Variants in ERICH3 observed in about 807,000 individuals in gnomAD.
The protein encoded by ERICH3 is glutamate rich 3.
In ERICH3, 126 loss-of-function variants were observed where a neutral mutation model predicts 131.1. The ratio of observed to expected loss-of-function variants is 0.96; its 90% CI spans 0.83 to 1.11. ERICH3 has a LOEUF of 1.11. ERICH3 is among the 50% of genes most tolerant of loss of function. The pLI, the probability that ERICH3 is intolerant of heterozygous loss-of-function variation, is 0.00. For synonymous variants in ERICH3, 695 were observed against 644.6 expected (o/e 1.08, Z -1.18); for missense variants, 2,050 against 1,810.7 (o/e 1.13, Z -2.40).
At chr1:74,629,434 C>T (rs2100621012) in intron 7 of ERICH3, among the ~76,000 whole-genome samples, 1 of 152,060 alleles carries the variant, frequency 6.6e-6, no homozygotes, top group East Asian at 1.9e-4. Context: ...AGGAGACAGA[C>T]ATGATAAGGT....
chr1:74,587,336 A>T (rs1489627417), intron 12 of ERICH3, among the ~76,000 whole-genome samples: 1 of 151,488 alleles, frequency 6.6e-6, no homozygotes, highest in East Asian at 1.9e-4. Flanking sequence ...AAAAAAAAAA[A>T]AAAAAAAAAA....
chr1:74,590,538 T>C (rs1279821532), intron 11 of ERICH3, among the ~76,000 whole-genome samples: 8 of 152,318 alleles, frequency 5.3e-5, no homozygotes, highest in Admixed American at 4.6e-4. Context: ...CCCTGGCATG[T>C]GCAGCTCACA....
chr1:74,614,884 G>A (rs532747414), intron 8 of ERICH3, among the ~76,000 whole-genome samples: 1 of 152,264 alleles, frequency 6.6e-6, no homozygotes, highest in East Asian at 1.9e-4. Context: ...CTCCTCAGGT[G>A]GTGAAAGCAA....
chr1:74,672,321 T>C (rs1295226642), intron 1 of ERICH3, among the ~76,000 whole-genome samples: 2 of 152,206 alleles, frequency 1.3e-5, no homozygotes, highest in African/African-American at 4.8e-5. Flanking sequence ...ATCAAAATGT[T>C]AAAAAGTACC....
rs1208886459 is a variant in ERICH3 at position 74,631,568 on chromosome 1, C to G, written c.819+145G>C. 21 of 662,014 alleles carry G rather than the reference C, an allele frequency of 3.2e-5. No individual in the cohort carries two copies. In the East Asian group the frequency reaches 5.5e-4, roughly 17 times the overall value. The allele number at this position is 662,014 out of a possible 1,614,324, so 41.0% of individuals were successfully genotyped here. A position where few individuals can be genotyped will look rare whatever the true frequency, so the allele number is the denominator to read the frequency against. ...TCAAGCCTGTGGTTTCAGATACATT[C>G]AAGCTTACTTATAAAATTGTATTTC... On this transcript the variant is annotated intron_variant, in intron 7 of 14. Coordinates refer to ENST00000326665, the MANE Select transcript of ERICH3 (RefSeq NM_001002912.5).
chr1:74,586,196 A>C (rs1411026051), intron 12 of ERICH3, among the ~76,000 whole-genome samples: 2 of 152,134 alleles, frequency 1.3e-5, no homozygotes, highest in Non-Finnish European at 2.9e-5. Flanking sequence ...AATAACAGAT[A>C]AGGTGAATAA....
chr1:74,659,930 T>C (rs756829990), intron 1 of ERICH3, among the ~76,000 whole-genome samples: 1 of 152,132 alleles, frequency 6.6e-6, no homozygotes, highest in African/African-American at 2.4e-5. Flanking sequence ...ATCACAAGTT[T>C]CTGTCACCCA....
At chr1:74,612,513 C>T in intron 9 of ERICH3, 110 bp downstream of exon 9, 1 of 930,002 alleles carries the variant, frequency 1.1e-6, no homozygotes, top group South Asian at 2.8e-5. Context: ...ATTGTAGGCC[C>T]ATCTATACTG....
intron 8 of ERICH3, among the ~76,000 whole-genome samples, chr1:74,616,989 C>A (rs1274638309): frequency 6.6e-6 from 1 of 152,076 alleles, no homozygotes; most frequent in Non-Finnish European, 1.5e-5. Flanking sequence ...TTCAGATATA[C>A]TTTTGGGGAC....
chr1:74,655,652 CT>C (rs1328023208), intron 1 of ERICH3, among the ~76,000 whole-genome samples: 19 of 152,170 alleles, frequency 1.2e-4, no homozygotes, highest in African/African-American at 4.8e-5. Context: ...CCATCTGCAA[CT>C]TTTATTCCTC....
Position 74,586,716 on chromosome 1 carries a change from C to T in ERICH3, c.2176+2915G>A, listed in dbSNP as rs74093433. Among the ~76,000 whole-genome samples, 1,385 of 151,880 alleles carry T rather than the reference C, an allele frequency of 9.1e-3. 21 individuals carry two copies. Among genetic ancestry groups the T allele is most frequent in the African/African-American group, 0.032 (1,306 of 41,418 alleles). ...TAAATGTCCAACAATAAGGAAATGG[C>T]TAAATTATGAGAAAACCACAGAATG... On this transcript the variant is annotated intron_variant, in intron 12 of 14. Transcript: ENST00000326665.
At chr1:74,592,636 T>G (rs141992659) in intron 11 of ERICH3, among the ~76,000 whole-genome samples, 2 of 152,334 alleles carry the variant, frequency 1.3e-5, no homozygotes, top group East Asian at 3.9e-4. Context: ...TGTATTATTT[T>G]ATTTCAAAGG....
At chr1:74,654,675 G>C (rs915166461) in intron 1 of ERICH3, among the ~76,000 whole-genome samples, 13 of 152,138 alleles carry the variant, frequency 8.5e-5, no homozygotes, top group African/African-American at 3.1e-4. Flanking sequence ...CCTCCCAAAG[G>C]CCTCATCTCC....
intron 3 of ERICH3, among the ~76,000 whole-genome samples, chr1:74,645,675 T>A (rs1482417564): frequency 6.6e-6 from 1 of 152,020 alleles, no homozygotes; most frequent in Non-Finnish European, 1.5e-5. Context: ...CACAGAAAAA[T>A]TACAGCTAAT....
chr1:74,580,557 T>C (rs987525680), intron 12 of ERICH3, among the ~76,000 whole-genome samples: 4 of 152,234 alleles, frequency 2.6e-5, no homozygotes, highest in African/African-American at 9.6e-5. Context: ...GAAAGTCCTA[T>C]GTGCCTGCAC....
chr1:74,657,904 T>G (rs1351290901), intron 1 of ERICH3, among the ~76,000 whole-genome samples: 1 of 152,086 alleles, frequency 6.6e-6, no homozygotes, highest in Non-Finnish European at 1.5e-5. Context: ...ATAGAAAAAT[T>G]AAAACTAAGG....
At chr1:74,655,196 C>T (rs1460214477) in intron 1 of ERICH3, among the ~76,000 whole-genome samples, 2 of 152,112 alleles carry the variant, frequency 1.3e-5, no homozygotes, top group African/African-American at 4.8e-5. Flanking sequence ...AATTTTGGTT[C>T]AACCAGGTTA....
chr1:74,585,553 T>G (rs1647288657), intron 12 of ERICH3, among the ~76,000 whole-genome samples: 1 of 152,174 alleles, frequency 6.6e-6, no homozygotes, highest in Non-Finnish European at 1.5e-5. Flanking sequence ...TAGCTTAGAG[T>G]CTATAAAACA....
At position 74,612,735 on chromosome 1, in the gene ERICH3, C is replaced by T. The variant is rs1376721093; in HGVS notation, c.1075G>A (p.Val359Met). The T allele has an allele frequency of 6.2e-7, 1 of 1,604,226 alleles. No individual in the cohort carries two copies. The part of the protein sequence containing the change: ...SLTFFLNGMQ[V>M]NRLSSCCEYK... The stretch of plus-strand genomic sequence containing the variant: ...TCACAACAGGAGCTTAACCTGTTCA[C>T]CTGCATCCCATTCAGGAAAAAGGTG... The change falls in exon 9 of 15, where the codon GTG (valine) becomes ATG (methionine). Residue 359 changes from valine (V) to methionine (M), a missense_variant. Transcript: ENST00000326665.
Sources: gnomAD v4.1 joint callset for allele counts (sites outside exome capture counted in the v4.1 genomes callset) on GRCh38, gnomAD v4.1.1 for gene constraint, MANE v1.5 for transcripts, NCBI Gene and HGNC (gene_info 2026-07-23, HGNC 2026-07-21) for gene names.